Variants in ENOX2 observed in about 807,000 individuals in gnomAD.
The protein encoded by ENOX2 is ecto-NOX disulfide-thiol exchanger 2, also known as APK1 antigen.
A neutral mutation model predicts 45.0 loss-of-function variants in ENOX2; 36 were observed. That is an observed-to-expected ratio of 0.80 (90% CI 0.61 to 1.06). The LOEUF (loss-of-function observed/expected upper bound fraction) is 1.06, where lower values mean the gene tolerates loss of function less well. Ranked by LOEUF, ENOX2 falls within the 50% of genes least tolerant of loss-of-function variation. The pLI, the probability that ENOX2 is intolerant of heterozygous loss-of-function variation, is 0.00. For missense variants in ENOX2, 423 were observed against 462.5 expected (o/e 0.91, Z 0.78); for synonymous variants, 174 against 152.3 (o/e 1.14, Z -1.05).
chrX:130,752,775 G>A (rs1209049741), intron 3 of ENOX2, among the ~76,000 whole-genome samples: 2 of 109,394 alleles, frequency 1.8e-5, no homozygotes, highest in Non-Finnish European at 3.8e-5. Flanking sequence ...GCTCCATCTG[G>A]CCAACTCTCT....
At chrX:130,670,257 G>GGA in intron 6 of ENOX2, 59 bp from the exon 7 acceptor site, 1 of 807,620 alleles carries the variant, frequency 1.2e-6, no homozygotes, top group Non-Finnish European at 1.8e-6. Flanking sequence ...AGAAGTAGAG[G>GGA]GAGAGAGAGA....
chrX:130,781,953 A>G (rs1311215738), intron 3 of ENOX2, among the ~76,000 whole-genome samples: 3 of 111,699 alleles, frequency 2.7e-5, no homozygotes, highest in Non-Finnish European at 3.8e-5. Context: ...AGAACAATTT[A>G]GTGTAGAGGT....
intron 2 of ENOX2, among the ~76,000 whole-genome samples, chrX:130,799,784 G>C (rs995988318): frequency 9.0e-6 from 1 of 111,372 alleles, no homozygotes; most frequent in Non-Finnish European, 1.9e-5. Context: ...GGAGAACAGG[G>C]AGAGCCCTGG....
intron 2 of ENOX2, among the ~76,000 whole-genome samples, chrX:130,808,582 T>TA (rs764954441): frequency 1.8e-5 from 2 of 112,001 alleles, no homozygotes; most frequent in Non-Finnish European, 3.8e-5. Context: ...CCAATTAGGT[T>TA]AAAAGGAGGG....
intron 3 of ENOX2, among the ~76,000 whole-genome samples, chrX:130,749,204 G>A (rs1469944867): frequency 8.9e-6 from 1 of 111,995 alleles, no homozygotes; most frequent in African/African-American, 3.2e-5. Context: ...ACAGGAAGAA[G>A]AGAGGTTTCC....
intron 12 of ENOX2, 96 bp downstream of exon 12, chrX:130,634,888 C>G (rs1193688536): frequency 2.1e-6 from 1 of 466,471 alleles, no homozygotes; most frequent in African/African-American, 2.5e-5. Context: ...ATGTTTGGCC[C>G]CATTGATTTC....
intron 3 of ENOX2, among the ~76,000 whole-genome samples, chrX:130,740,922 G>T (rs2038967700): frequency 3.6e-5 from 4 of 111,170 alleles, no homozygotes; most frequent in African/African-American, 6.6e-5. Flanking sequence ...TAACCTCTTG[G>T]GGCTTAGTTT....
chrX:130,635,792 C>T (rs1428570354), intron 11 of ENOX2, among the ~76,000 whole-genome samples: 1 of 111,533 alleles, frequency 9.0e-6, no homozygotes, highest in Non-Finnish European at 1.9e-5. Flanking sequence ...CCTTACATGC[C>T]TTATTATACT....
chrX:130,795,861 C>T (rs1200325778), intron 2 of ENOX2, among the ~76,000 whole-genome samples: 4 of 111,176 alleles, frequency 3.6e-5, no homozygotes, highest in South Asian at 3.9e-4. Context: ...CTTCAAAACT[C>T]GGCTCAAATG....
intron 3 of ENOX2, among the ~76,000 whole-genome samples, chrX:130,745,537 G>C (rs1003549975): frequency 8.9e-6 from 1 of 112,085 alleles, no homozygotes; most frequent in African/African-American, 3.2e-5. Flanking sequence ...AGAACAATGT[G>C]TTTGAAGAGC....
In ENOX2 at chrX:130,622,436, C is replaced by G. The variant is rs1262918014; in HGVS notation, c.*2878G>C. 9.0e-6 allele frequency among the ~76,000 whole-genome samples: 1 copy of G among 111,626 alleles called. No individual in the cohort carries two copies. Among genetic ancestry groups the G allele is most frequent in the Non-Finnish European group, 1.9e-5 (1 of 53,147 alleles). ...TGAATGCAGATGTGTCTTTAATTTT[C>G]TATGAAAAATAACCTTCATTTGCAT... On this transcript the variant is annotated 3_prime_UTR_variant, in exon 15 of 15. Coordinates refer to ENST00000394363, the MANE Select transcript of ENOX2 (RefSeq NM_006375.4).
At chrX:130,880,685 A>T (rs2078794257) in intron 2 of ENOX2, among the ~76,000 whole-genome samples, 1 of 111,967 alleles carries the variant, frequency 8.9e-6, no homozygotes, top group South Asian at 3.7e-4. Context: ...AAAATGTATA[A>T]AAGTGTCTAT....
In ENOX2 at chrX:130,670,192, C is replaced by T. The variant is rs770968891; in HGVS notation, c.467G>A (p.Arg156His). ...GTCAGTACTAGAGCCCAGGCGAATG[C>T]GGTAACCTAAGTCCACAGGAGGGTG... Reference protein sequence around the residue: ...VDKALYLSGYRIRLGSSTDKK... With the variant: ...VDKALYLSGYHIRLGSSTDKK... The change falls in exon 7 of 15, where the codon CGC (arginine) becomes CAC (histidine). Residue 156 changes from arginine (R) to histidine (H), a missense_variant. Arg to His is a conservative substitution (Grantham distance 29). Around this residue, in one of 5 missense-constraint regions of ENOX2, gnomAD observed 261 missense variants for 306.8 expected, o/e 0.85. Transcript: ENST00000394363. 1.1e-5 allele frequency: 13 copies of T among 1,196,529 alleles called. No homozygotes were observed. The highest frequency in any genetic ancestry group is 8.9e-5 in the East Asian group (3 of 33,677).
chrX:130,735,709 A>G (rs59745334), intron 3 of ENOX2, among the ~76,000 whole-genome samples: 2,697 of 111,990 alleles, frequency 0.024, 74 homozygotes, highest in African/African-American at 0.083. Flanking sequence ...ATAAATTATG[A>G]ATAACCCAAC....
At chrX:130,632,435 C>G (rs1472778498) in intron 12 of ENOX2, among the ~76,000 whole-genome samples, 2 of 105,536 alleles carry the variant, frequency 1.9e-5, no homozygotes, top group Non-Finnish European at 3.9e-5. Context: ...AAAAATACCT[C>G]CAGACCTTTC....
intron 6 of ENOX2, 48 bp from the exon 7 acceptor site, chrX:130,670,246 G>C (rs1321546932): frequency 1.1e-6 from 1 of 873,353 alleles, no homozygotes; most frequent in Admixed American, 2.4e-5. Context: ...GAGAGAAGGA[G>C]AGAAGTAGAG....
At chrX:130,633,802 T>G in intron 12 of ENOX2, among the ~76,000 whole-genome samples, 1 of 112,435 alleles carries the variant, frequency 8.9e-6, no homozygotes, top group Non-Finnish European at 1.9e-5. Context: ...CAGAGCTATG[T>G]GGCAGCTCTG....
rs773380390 is a variant in ENOX2, at chrX:130,829,513, C to A, written c.-182-45823G>T. ...TCACCCTGAAGCAAAATGAGGTGCT[C>A]TAAATAGGGTGTTAGGGGTATGCAT... is the stretch of plus-strand genomic sequence containing the variant. On this transcript the variant is annotated intron_variant, in intron 2 of 14. Coordinates refer to ENST00000394363, the MANE Select transcript of ENOX2 (RefSeq NM_006375.4). Among the ~76,000 whole-genome samples, 4 of 111,434 alleles carry A rather than the reference C, an allele frequency of 3.6e-5. No homozygotes were observed. In the East Asian group the frequency reaches 1.1e-3, roughly 31 times the overall value.
At chrX:130,651,402 G>C (rs773953626) in intron 10 of ENOX2, among the ~76,000 whole-genome samples, 2 of 111,946 alleles carry the variant, frequency 1.8e-5, no homozygotes, top group Non-Finnish European at 3.8e-5. Flanking sequence ...TAATCTCACG[G>C]AGTGGCCAAG....
Sources: allele counts gnomAD v4.1 joint callset (sites outside exome capture counted in the v4.1 genomes callset), GRCh38; gene constraint gnomAD v4.1.1; regional missense constraint gnomAD v4.1.1; transcripts MANE v1.5; gene names NCBI Gene and HGNC (gene_info 2026-07-23, HGNC 2026-07-21).